The following RAVER2 variants were observed in gnomAD, a reference collection of about 807,000 sequenced individuals.
RAVER2 encodes the protein ribonucleoprotein PTB-binding 2.
Under a neutral mutation model 78.1 loss-of-function variants are expected in RAVER2, and 46 were observed. The ratio of observed to expected loss-of-function variants is 0.59; its 90% confidence interval spans 0.46 to 0.75. RAVER2 has a LOEUF of 0.75. Ranked by LOEUF, RAVER2 falls within the 30% of genes least tolerant of loss-of-function variation. The pLI, the probability that RAVER2 is intolerant of heterozygous loss-of-function variation, is 0.00. For synonymous variants in RAVER2, 311 were observed against 313.3 expected, an observed-to-expected ratio of 0.99 and a Z score of 0.08; for missense variants, 793 against 837.5, an observed-to-expected ratio of 0.95 and a Z score of 0.66.
intron 11 of RAVER2, 151 bp from the exon 12 acceptor site, chr1:64,830,688 C>A: frequency 1.5e-6 from 1 of 663,714 alleles, no homozygotes; most frequent in Non-Finnish European, 2.4e-6. Flanking sequence ...TCTTATTTAA[C>A]AAAGGGGTTT....
At chr1:64,787,214 T>G (rs1652806036) in intron 4 of RAVER2, among the ~76,000 whole-genome samples, 1 of 152,170 alleles carries the variant, frequency 6.6e-6, no homozygotes, top group Non-Finnish European at 1.5e-5. Context: ...GTGGTTCAGT[T>G]TGTTGCTTTT....
intron 1 of RAVER2, among the ~76,000 whole-genome samples, chr1:64,753,523 CTTTT>C (rs59448781): frequency 4.0e-5 from 4 of 100,896 alleles, no homozygotes; most frequent in Admixed American, 1.2e-4. Context: ...GTATAGAATT[CTTTT>C]TTTTTTTTTT....
intron 1 of RAVER2, among the ~76,000 whole-genome samples, chr1:64,763,948 A>ACACACACC (rs1294935587): frequency 4.6e-5 from 7 of 151,148 alleles, no homozygotes; most frequent in Admixed American, 4.0e-4. Flanking sequence ...ACACACACAC[A>ACACACACC]CACACACCCC....
chr1:64,758,797 G>T (rs1325792821), intron 1 of RAVER2, among the ~76,000 whole-genome samples: 2 of 151,744 alleles, frequency 1.3e-5, no homozygotes, highest in Admixed American at 1.3e-4. Context: ...AACTATGAGA[G>T]AATAATAGGT....
At chr1:64,825,242 A>G (rs1337043591) in intron 11 of RAVER2, among the ~76,000 whole-genome samples, 1 of 152,188 alleles carries the variant, frequency 6.6e-6, no homozygotes, top group South Asian at 2.1e-4. Flanking sequence ...AAATTAATTC[A>G]TGTTTCTGTA....
chr1:64,821,137 T>C (rs923605303), intron 11 of RAVER2, among the ~76,000 whole-genome samples: 1 of 152,236 alleles, frequency 6.6e-6, no homozygotes, highest in African/African-American at 2.4e-5. Context: ...GTGGTTTTGA[T>C]TTGCATTTCT....
chr1:64,816,835 T>C lies in RAVER2; in HGVS notation c.1929+1995T>C, dbSNP rs371347358. On this transcript the variant is annotated intron_variant, in intron 11 of 11. Coordinates refer to ENST00000294428, the Ensembl canonical transcript of RAVER2. ...AACCTAGGCAATACCATTCAGCACA[T>C]AGGCATGGGCAAGGACTTCATGTCT... is the stretch of plus-strand genomic sequence containing the variant. Among the ~76,000 whole-genome samples, 103 of 152,292 alleles carry C rather than the reference T, an allele frequency of 6.8e-4. 1 individual carries two copies. In the South Asian group the frequency reaches 0.021, roughly 31 times the overall value.
intron 11 of RAVER2, among the ~76,000 whole-genome samples, chr1:64,825,136 G>A (rs539596720): frequency 6.6e-6 from 1 of 152,086 alleles, no homozygotes; most frequent in East Asian, 1.9e-4. Context: ...TAATGTCACA[G>A]AATGAAGCAT....
At chr1:64,822,172 C>T (rs1266280859) in intron 11 of RAVER2, among the ~76,000 whole-genome samples, 1 of 152,058 alleles carries the variant, frequency 6.6e-6, no homozygotes, top group Non-Finnish European at 1.5e-5. Flanking sequence ...CCTGTAGTCC[C>T]AGCTACTCGG....
chr1:64,807,268 C>T, exon 9 of RAVER2: 1 of 1,614,188 alleles, frequency 6.2e-7, no homozygotes, highest in South Asian at 1.1e-5. Context: ...ACCATTCTTT[C>T]CAAATCAGCA....
chr1:64,749,995 A>G (rs1349167774), intron 1 of RAVER2, among the ~76,000 whole-genome samples: 1 of 152,148 alleles, frequency 6.6e-6, no homozygotes, highest in African/African-American at 2.4e-5. Flanking sequence ...TGTTTACCCT[A>G]AAATCTTGAA....
chr1:64,778,419 C>G (rs931068067), intron 3 of RAVER2, among the ~76,000 whole-genome samples: 3 of 152,162 alleles, frequency 2.0e-5, no homozygotes, highest in African/African-American at 7.2e-5. Flanking sequence ...GTACCAGACA[C>G]TATGCCAAGT....
At chr1:64,828,787 C>A (rs1292153552) in intron 11 of RAVER2, among the ~76,000 whole-genome samples, 1 of 151,934 alleles carries the variant, frequency 6.6e-6, no homozygotes, top group Non-Finnish European at 1.5e-5. Flanking sequence ...TTTCATTTTA[C>A]AAAAGTAAAA....
chr1:64,788,279 T>G (rs554611394), intron 4 of RAVER2, among the ~76,000 whole-genome samples: 1 of 152,004 alleles, frequency 6.6e-6, no homozygotes, highest in Non-Finnish European at 1.5e-5. Flanking sequence ...AAGACCATCC[T>G]GGCTAACATG....
At chr1:64,757,775 A>G (rs1651894356) in intron 1 of RAVER2, among the ~76,000 whole-genome samples, 1 of 152,212 alleles carries the variant, frequency 6.6e-6, no homozygotes, top group Non-Finnish European at 1.5e-5. Flanking sequence ...AAATGTGTGT[A>G]TATGCACACA....
intron 1 of RAVER2, among the ~76,000 whole-genome samples, chr1:64,755,720 C>CTT: frequency 9.3e-6 from 1 of 107,818 alleles, no homozygotes; most frequent in African/African-American, 4.0e-5. Flanking sequence ...CTTTATGCTT[C>CTT]ATAGTTTTTT....
chr1:64,784,007 A>T (rs10158195), intron 4 of RAVER2, among the ~76,000 whole-genome samples: 3,515 of 152,254 alleles, frequency 0.023, 121 homozygotes, highest in African/African-American at 0.078. Context: ...ATCTGTTCTC[A>T]TTAAGTTAAC....
chr1:64,772,819 G>C (rs1456899522), intron 2 of RAVER2, among the ~76,000 whole-genome samples: 2 of 152,130 alleles, frequency 1.3e-5, no homozygotes, highest in Non-Finnish European at 2.9e-5. Flanking sequence ...GGGGAAGGGA[G>C]GAAGTATGGC....
In RAVER2 at chr1:64,773,257, A is replaced by G. The variant is rs112148884; in HGVS notation, c.317-4366A>G. 5.3e-3 allele frequency among the ~76,000 whole-genome samples: 802 copies of G among 152,240 alleles called. 2 individuals are homozygous for G. Among genetic ancestry groups the G allele is most frequent in the Non-Finnish European group, 8.8e-3 (601 of 68,012 alleles). ...GAACGTGCAGGTTTGTTACATAGAT[A>G]TACATGTGCCATGGTGGTTTGCTGC... On this transcript the variant is annotated intron_variant, in intron 2 of 11. Coordinates refer to ENST00000294428, the Ensembl canonical transcript of RAVER2.
Sources: gnomAD v4.1 joint callset for allele counts (sites outside exome capture counted in the v4.1 genomes callset) on GRCh38, gnomAD v4.1.1 for gene constraint, MANE v1.5 for transcripts, NCBI Gene and HGNC (gene_info 2026-07-23, HGNC 2026-07-21) for gene names.